LANCL3: variants seen among roughly 807,000 people sequenced by gnomAD.
LANCL3 encodes the protein lanC-like protein 3.
A neutral mutation model predicts 26.5 loss-of-function variants in LANCL3; 19 were observed. The ratio of observed to expected loss-of-function variants is 0.72; its 90% confidence interval spans 0.50 to 1.05. LANCL3 has a LOEUF of 1.05. Ranked by LOEUF, LANCL3 falls within the 50% of genes least tolerant of loss-of-function variation. The probability of loss-of-function intolerance (pLI) is 0.00; values close to 1 mark genes in which losing one functional copy is unlikely to be tolerated. For synonymous variants in LANCL3, 160 were observed against 166.6 expected, an observed-to-expected ratio of 0.96 and a Z score of 0.30; for missense variants, 318 against 362.7, an observed-to-expected ratio of 0.88 and a Z score of 1.00.
intron 1 of LANCL3, among the ~76,000 whole-genome samples, chrX:37,597,212 A>G (rs1282875093): frequency 8.9e-6 from 1 of 112,173 alleles, no homozygotes; most frequent in Non-Finnish European, 1.9e-5. Context: ...GTATGAATGC[A>G]TCATATTTTA....
At chrX:37,633,720 A>T (rs184756686) in intron 1 of LANCL3, among the ~76,000 whole-genome samples, 149 of 111,946 alleles carry the variant, frequency 1.3e-3, no homozygotes, top group Non-Finnish European at 3.4e-4. Context: ...CCTGGGTATC[A>T]GCAGCGGTGG....
At chrX:37,621,438 A>G (rs146930790) in intron 1 of LANCL3, among the ~76,000 whole-genome samples, 1,187 of 112,393 alleles carry the variant, frequency 0.011, 10 homozygotes, top group Non-Finnish European at 0.017. Context: ...GATCATCTTT[A>G]TGGTGAAAAT....
intron 4 of LANCL3, among the ~76,000 whole-genome samples, chrX:37,668,166 TA>T (rs1485479932): frequency 9.3e-6 from 1 of 108,053 alleles, no homozygotes; most frequent in African/African-American, 3.4e-5. Flanking sequence ...GTACTACAAA[TA>T]ATGCTATGAT....
chrX:37,596,546 T>G (rs909563622), intron 1 of LANCL3, among the ~76,000 whole-genome samples: 11 of 112,202 alleles, frequency 9.8e-5, no homozygotes, highest in Non-Finnish European at 1.7e-4. Flanking sequence ...AGGTAGTACT[T>G]TCTCAGAATT....
chrX:37,594,652 C>T (rs1445901574), intron 1 of LANCL3, among the ~76,000 whole-genome samples: 1 of 112,000 alleles, frequency 8.9e-6, no homozygotes, highest in African/African-American at 3.2e-5. Context: ...ACGAAATTCC[C>T]CATTAGCTAA....
chrX:37,673,169 C>T (rs1286540493), intron 4 of LANCL3, among the ~76,000 whole-genome samples: 1 of 111,400 alleles, frequency 9.0e-6, no homozygotes, highest in Non-Finnish European at 1.9e-5. Flanking sequence ...TTTTAATTTC[C>T]TATATCTGTG....
rs188192214 is a variant in LANCL3 at position 37,679,000 on chromosome X, C to A, written c.*3187C>A. On this transcript the variant is annotated 3_prime_UTR_variant, in exon 5 of 5. Transcript: ENST00000378619. ...GATTTCTAGCCATGTTAAATGAACA[C>A]ACAATTAAAAGGAAAACCATTAGTG... The A allele has an allele frequency of 7.6e-4, 85 of 111,615 alleles. No individual in the cohort carries two copies. The highest frequency in any genetic ancestry group is 2.7e-3 in the African/African-American group (82 of 30,765). 9.2% of individuals were successfully genotyped at this position (111,615 alleles called of 1,213,427 possible).
intron 1 of LANCL3, among the ~76,000 whole-genome samples, chrX:37,573,001 C>A: frequency 8.9e-6 from 1 of 111,775 alleles, no homozygotes; most frequent in Non-Finnish European, 1.9e-5. Context: ...TAGGAGTGTC[C>A]CCTTTAAAAA....
chrX:37,573,895 C>A (rs1269693527), intron 1 of LANCL3, among the ~76,000 whole-genome samples: 2 of 108,446 alleles, frequency 1.8e-5, no homozygotes, highest in East Asian at 2.9e-4. Context: ...TGCCCAAAAA[C>A]TGGTGGTTCA....
chrX:37,679,250 G>A lies in LANCL3; in HGVS notation c.*3437G>A, dbSNP rs1350370495. On this transcript the variant is annotated 3_prime_UTR_variant, in exon 5 of 5. Transcript: ENST00000378619. ...ACATAGAAAAATCATGCCCAGTTAT[G>A]ACTTCCAATAAGAATTTCAACCAAA... 1 of 111,664 alleles carries A rather than the reference G, an allele frequency of 9.0e-6. No individual in the cohort carries two copies. Among genetic ancestry groups the A allele is most frequent in the Non-Finnish European group, 1.9e-5 (1 of 53,071 alleles). The allele number at this position is 111,664 out of a possible 1,213,427, so 9.2% of individuals were successfully genotyped here.
At chrX:37,627,136 C>T (rs1556423168) in intron 1 of LANCL3, among the ~76,000 whole-genome samples, 1 of 111,957 alleles carries the variant, frequency 8.9e-6, no homozygotes, top group Non-Finnish European at 1.9e-5. Flanking sequence ...TACACATTGT[C>T]AAGGCTGTCA....
At chrX:37,664,289 G>A (rs138720710) in intron 3 of LANCL3, among the ~76,000 whole-genome samples, 145 of 111,457 alleles carry the variant, frequency 1.3e-3, no homozygotes, top group Non-Finnish European at 1.7e-3. Flanking sequence ...CCTCCTGTGT[G>A]CTTCCATGAG....
At chrX:37,599,274 C>T (rs1401233951) in intron 1 of LANCL3, among the ~76,000 whole-genome samples, 1 of 112,121 alleles carries the variant, frequency 8.9e-6, no homozygotes, top group Admixed American at 9.5e-5. Context: ...ATGGATTAGA[C>T]ATTTAAATAA....
At chrX:37,583,936 A>G (rs1433147084) in intron 1 of LANCL3, among the ~76,000 whole-genome samples, 1 of 111,881 alleles carries the variant, frequency 8.9e-6, no homozygotes, top group Non-Finnish European at 1.9e-5. Flanking sequence ...CCCATTCAGT[A>G]TGATATTGGC....
At chrX:37,674,588 C>T (rs1028530402) in intron 4 of LANCL3, among the ~76,000 whole-genome samples, 21 of 111,300 alleles carry the variant, frequency 1.9e-4, no homozygotes, top group African/African-American at 3.6e-4. Flanking sequence ...GTAACTCTTA[C>T]GATGCATTAA....
intron 1 of LANCL3, among the ~76,000 whole-genome samples, chrX:37,606,560 C>T (rs1165283487): frequency 8.9e-6 from 1 of 111,937 alleles, no homozygotes; most frequent in African/African-American, 3.3e-5. Context: ...TCCCCTAAAA[C>T]CAGTGCCTGG....
rs1338611914 is a variant in LANCL3 at position 37,678,470 on chromosome X, T to G, written c.*2657T>G. 1 of 111,457 alleles carries G rather than the reference T, an allele frequency of 9.0e-6. No individual in the cohort carries two copies. Among genetic ancestry groups the G allele is most frequent in the Non-Finnish European group, 1.9e-5 (1 of 52,976 alleles). The allele number at this position is 111,457 out of a possible 1,213,427, so 9.2% of individuals were successfully genotyped here. ...ATACAGCATGAGCAATTATAAACCC[T>G]GAAGGTAATAGTGGAAATGTTTGAG... is the stretch of plus-strand genomic sequence containing the variant. On this transcript the variant is annotated 3_prime_UTR_variant, in exon 5 of 5. Coordinates refer to ENST00000378619, the MANE Select transcript of LANCL3 (RefSeq NM_001170331.2).
At chrX:37,578,896 C>G (rs1177995224) in intron 1 of LANCL3, among the ~76,000 whole-genome samples, 1 of 105,832 alleles carries the variant, frequency 9.4e-6, no homozygotes, top group Non-Finnish European at 1.9e-5. Context: ...AGGAGAATCG[C>G]TTGAACCCGG....
Position 37,572,434 on chromosome X carries a change from C to T in LANCL3, c.564C>T (p.Leu188=), listed in dbSNP as rs1556415839. 1.4e-5 allele frequency: 16 copies of T among 1,173,651 alleles called. No homozygotes were observed. The highest frequency in any genetic ancestry group is 1.7e-5 in the Non-Finnish European group (15 of 876,178). ...LCAALVLKQK[L]AQEVLTPAQI... is the part of the protein sequence containing the mutation. The stretch of plus-strand genomic sequence containing the variant: ...CCGCGCTGGTGCTCAAGCAGAAACT[C>T]GCCCAGGAGGTAAGAGGTAGCCCGG... The change falls in exon 1 of 5, where the codon CTC becomes CTT. Residue 188 remains leucine (L), a synonymous_variant. Transcript: ENST00000378619.
Sources: gnomAD v4.1 joint callset for allele counts (sites outside exome capture counted in the v4.1 genomes callset) on GRCh38, gnomAD v4.1.1 for gene constraint, MANE v1.5 for transcripts, NCBI Gene and HGNC (gene_info 2026-07-23, HGNC 2026-07-21) for gene names.